Variants in SLC24A3 observed in about 807,000 individuals in gnomAD.
The protein encoded by SLC24A3 is solute carrier family 24 member 3.
In SLC24A3, 28 loss-of-function variants were observed where a neutral mutation model predicts 75.8. The observed-to-expected ratio is 0.37, with a 90% confidence interval of 0.27 to 0.51. The LOEUF (loss-of-function observed/expected upper bound fraction) is 0.51. Among genes scored for constraint, SLC24A3 ranks in the 20% least tolerant of loss-of-function variants. SLC24A3 has a pLI of 0.94. For synonymous variants in SLC24A3, 372 were observed against 334.1 expected (o/e 1.11, Z -1.24); for missense variants, 663 against 847.8 (o/e 0.78, Z 2.71).
intron 3 of SLC24A3, among the ~76,000 whole-genome samples, chr20:19,516,645 CT>C (rs931724919): frequency 6.6e-6 from 1 of 152,212 alleles, no homozygotes; most frequent in Admixed American, 6.5e-5. Context: ...GCTATGGCTA[CT>C]GAGAAGAGCA....
intron 2 of SLC24A3, among the ~76,000 whole-genome samples, chr20:19,366,048 C>A (rs1985884059): frequency 6.6e-6 from 1 of 152,232 alleles, no homozygotes; most frequent in Non-Finnish European, 1.5e-5. Context: ...GGAAATCCAT[C>A]TCTTTCTACC....
At chr20:19,611,114 G>A (rs956815083) in intron 6 of SLC24A3, among the ~76,000 whole-genome samples, 2 of 152,176 alleles carry the variant, frequency 1.3e-5, no homozygotes, top group Non-Finnish European at 2.9e-5. Flanking sequence ...GGTCCTAGAA[G>A]GCCAGGACAG....
At chr20:19,551,949 C>T (rs904167902) in intron 3 of SLC24A3, among the ~76,000 whole-genome samples, 7 of 152,108 alleles carry the variant, frequency 4.6e-5, no homozygotes, top group Admixed American at 1.3e-4. Flanking sequence ...ACCAAAAACC[C>T]AAAACTTGTC....
intron 6 of SLC24A3, among the ~76,000 whole-genome samples, chr20:19,614,900 G>T (rs942018549): frequency 3.3e-5 from 5 of 152,178 alleles, no homozygotes; most frequent in African/African-American, 1.2e-4. Context: ...ATTGAAATTT[G>T]CTGGTGGGAC....
At chr20:19,504,627 A>C (rs1988435984) in intron 2 of SLC24A3, among the ~76,000 whole-genome samples, 1 of 152,180 alleles carries the variant, frequency 6.6e-6, no homozygotes, top group Non-Finnish European at 1.5e-5. Context: ...ATTGGTCTGG[A>C]TCAATAGCAG....
intron 2 of SLC24A3, among the ~76,000 whole-genome samples, chr20:19,369,631 G>T (rs1600451669): frequency 6.6e-6 from 1 of 152,074 alleles, no homozygotes; most frequent in African/African-American, 2.4e-5. Flanking sequence ...TTATGAAATA[G>T]AATGTCCTGT....
chr20:19,599,837 T>A (rs2031502607), intron 6 of SLC24A3, among the ~76,000 whole-genome samples: 1 of 152,164 alleles, frequency 6.6e-6, no homozygotes, highest in Non-Finnish European at 1.5e-5. Flanking sequence ...ATCCTGTTCC[T>A]GGCATCTACT....
chr20:19,452,626 G>A (rs1368754811), intron 2 of SLC24A3, among the ~76,000 whole-genome samples: 1 of 151,980 alleles, frequency 6.6e-6, no homozygotes, highest in Non-Finnish European at 1.5e-5. Context: ...ATCATACAGG[G>A]GTCCTGGGTG....
At chr20:19,335,885 T>A (rs1277379077) in intron 2 of SLC24A3, among the ~76,000 whole-genome samples, 1 of 152,214 alleles carries the variant, frequency 6.6e-6, no homozygotes, top group Non-Finnish European at 1.5e-5. Flanking sequence ...TTTCATGCCA[T>A]CTTTCTCCCT....
At chr20:19,215,559 T>G (rs1600378014) in intron 1 of SLC24A3, among the ~76,000 whole-genome samples, 1 of 152,266 alleles carries the variant, frequency 6.6e-6, no homozygotes. Flanking sequence ...CTAACACATA[T>G]TGACCTTTCC....
intron 2 of SLC24A3, among the ~76,000 whole-genome samples, chr20:19,351,920 G>A (rs963141176): frequency 2.0e-5 from 3 of 152,144 alleles, no homozygotes; most frequent in Non-Finnish European, 4.4e-5. Context: ...AGGAAATGGT[G>A]CCCCTCAAGT....
intron 2 of SLC24A3, among the ~76,000 whole-genome samples, chr20:19,347,894 T>G (rs1985464510): frequency 6.6e-6 from 1 of 152,156 alleles, no homozygotes; most frequent in African/African-American, 2.4e-5. Context: ...ATGGGGTTGT[T>G]GTGAAGGTGA....
At chr20:19,555,987 G>A (rs2030776883) in intron 3 of SLC24A3, among the ~76,000 whole-genome samples, 1 of 152,174 alleles carries the variant, frequency 6.6e-6, no homozygotes, top group African/African-American at 2.4e-5. Context: ...CAAGATCAAG[G>A]AGCCAGGAGA....
intron 15 of SLC24A3, among the ~76,000 whole-genome samples, chr20:19,714,890 G>A (rs2033028089): frequency 6.6e-6 from 1 of 152,198 alleles, no homozygotes; most frequent in Non-Finnish European, 1.5e-5. Context: ...TGCTGTCACT[G>A]GCTCTTGGTT....
intron 2 of SLC24A3, among the ~76,000 whole-genome samples, chr20:19,344,142 G>A (rs1985336302): frequency 6.6e-6 from 1 of 152,230 alleles, no homozygotes; most frequent in African/African-American, 2.4e-5. Flanking sequence ...AATGGTGGAT[G>A]ATGGAAAGAG....
intron 2 of SLC24A3, among the ~76,000 whole-genome samples, chr20:19,351,688 C>G (rs1233711593): frequency 6.6e-6 from 1 of 152,156 alleles, no homozygotes; most frequent in Non-Finnish European, 1.5e-5. Flanking sequence ...TTTGTCAGCT[C>G]TCTTCTGAAC....
chr20:19,687,909 T>C (rs1197674325), intron 12 of SLC24A3, among the ~76,000 whole-genome samples: 1 of 152,124 alleles, frequency 6.6e-6, no homozygotes, highest in Non-Finnish European at 1.5e-5. Flanking sequence ...TGGGCTCCTG[T>C]GTATGAGGAG....
At chr20:19,623,964 C>T (rs1346531542) in intron 6 of SLC24A3, among the ~76,000 whole-genome samples, 1 of 152,170 alleles carries the variant, frequency 6.6e-6, no homozygotes, top group Non-Finnish European at 1.5e-5. Flanking sequence ...GCTTTCTTCT[C>T]CACAAAAGCC....
At chr20:19,359,462 G>T (rs1985748394) in intron 2 of SLC24A3, among the ~76,000 whole-genome samples, 1 of 152,190 alleles carries the variant, frequency 6.6e-6, no homozygotes, top group African/African-American at 2.4e-5. Flanking sequence ...CATGTCATCT[G>T]GGTGCAGAGG....
Sources: allele counts gnomAD v4.1 joint callset (sites outside exome capture counted in the v4.1 genomes callset), GRCh38; gene constraint gnomAD v4.1.1; transcripts MANE v1.5; gene names NCBI Gene and HGNC (gene_info 2026-07-23, HGNC 2026-07-21).